Variants in TOM1L2 observed in about 807,000 individuals in gnomAD.
TOM1L2 encodes target of myb1 like 2 membrane trafficking protein.
Under a neutral mutation model 67.9 loss-of-function variants are expected in TOM1L2, and 31 were observed. The ratio of observed to expected loss-of-function variants is 0.46; its 90% confidence interval spans 0.34 to 0.62. The LOEUF is 0.62. Among genes scored for constraint, TOM1L2 ranks in the 20% least tolerant of loss-of-function variants. TOM1L2 has a pLI of 0.01. For synonymous variants in TOM1L2, 256 were observed against 254.0 expected, an observed-to-expected ratio of 1.01 and a Z score of -0.07; for missense variants, 606 against 663.5, an observed-to-expected ratio of 0.91 and a Z score of 0.95.
rs958833213 is a variant in TOM1L2, at chr17:17,845,303, C to T, written c.*2332G>A. ...ATACAGGTCCACCACTCCCTGCTGC[C>T]CCTGGGGCAGCCAGGCCTCTCCAAT... is the stretch of plus-strand genomic sequence containing the variant. On this transcript the variant is annotated 3_prime_UTR_variant, in exon 15 of 15. Transcript: ENST00000379504. The T allele has an allele frequency of 2.6e-5, 4 of 152,248 alleles. No homozygotes were observed. The highest frequency in any genetic ancestry group is 9.6e-5 in the African/African-American group (4 of 41,460). The allele number at this position is 152,248 out of a possible 1,614,324, so 9.4% of individuals were successfully genotyped here.
chr17:17,877,754 G>A (rs1227162867), intron 7 of TOM1L2, among the ~76,000 whole-genome samples: 1 of 152,088 alleles, frequency 6.6e-6, no homozygotes, highest in Non-Finnish European at 1.5e-5. Context: ...AGTGAGGGCT[G>A]GGAGGCTTGG....
chr17:17,861,923 T>C (rs1245722402), intron 11 of TOM1L2: 1 of 173,374 alleles, frequency 5.8e-6, no homozygotes, highest in African/African-American at 2.4e-5. Context: ...TCTTATTTTA[T>C]TAGCAGCAGC....
chr17:17,958,727 C>T (rs1431556219), intron 1 of TOM1L2, among the ~76,000 whole-genome samples: 3 of 152,130 alleles, frequency 2.0e-5, no homozygotes, highest in Admixed American at 1.3e-4. Context: ...CACACCTCAC[C>T]CAAAACCCCT....
intron 6 of TOM1L2, among the ~76,000 whole-genome samples, chr17:17,881,968 T>A (rs937487595): frequency 1.3e-5 from 2 of 152,242 alleles, no homozygotes; most frequent in African/African-American, 4.8e-5. Context: ...AGAGTTTTTT[T>A]TTCCCCCAAG....
intron 1 of TOM1L2, among the ~76,000 whole-genome samples, chr17:17,937,500 G>A (rs2040555480): frequency 6.6e-6 from 1 of 152,172 alleles, no homozygotes; most frequent in African/African-American, 2.4e-5. Context: ...TGTCACATAT[G>A]AACCAGATGA....
intron 1 of TOM1L2, among the ~76,000 whole-genome samples, chr17:17,948,815 CT>C (rs1409792607): frequency 6.6e-6 from 1 of 152,258 alleles, no homozygotes; most frequent in South Asian, 2.1e-4. Flanking sequence ...TTGCTTCCCC[CT>C]ATCAACCCCA....
At chr17:17,946,203 T>C (rs1389956397) in intron 1 of TOM1L2, among the ~76,000 whole-genome samples, 1 of 152,162 alleles carries the variant, frequency 6.6e-6, no homozygotes, top group Non-Finnish European at 1.5e-5. Flanking sequence ...ATAAGAGCTT[T>C]ATTGAGATAT....
At chr17:17,901,490 A>G (rs2038854771) in intron 2 of TOM1L2, among the ~76,000 whole-genome samples, 1 of 152,118 alleles carries the variant, frequency 6.6e-6, no homozygotes, top group South Asian at 2.1e-4. Flanking sequence ...GACTTATAAG[A>G]ACTCTTCCCT....
chr17:17,845,227 T>C lies in TOM1L2; in HGVS notation c.*2408A>G, dbSNP rs2035580411. On this transcript the variant is annotated 3_prime_UTR_variant, in exon 15 of 15. Transcript: ENST00000379504. Reference sequence around the variant, plus strand: ...GGCCACCTGAGGGGTGGCTCCAGGCTAGGAAGGCAGGTGACACTTGTCAGC... The same window carrying C: ...GGCCACCTGAGGGGTGGCTCCAGGCCAGGAAGGCAGGTGACACTTGTCAGC... The C allele has an allele frequency of 6.6e-6, 1 of 152,216 alleles. No homozygotes were observed. Among genetic ancestry groups the C allele is most frequent in the African/African-American group, 2.4e-5 (1 of 41,456 alleles). 9.4% of individuals were successfully genotyped at this position (152,216 alleles called of 1,614,324 possible).
rs57969260 is a variant in TOM1L2 at position 17,915,682 on chromosome 17, A to C, written c.53-8151T>G. The stretch of plus-strand genomic sequence containing the variant: ...AGGGATGCACCACCACAACTAGATA[A>C]TTTTCTTTAAAAAAATTTATGTAGA... On this transcript the variant is annotated intron_variant, in intron 1 of 14. Coordinates refer to ENST00000379504, the MANE Select transcript of TOM1L2 (RefSeq NM_001082968.2). 1.7e-3 allele frequency among the ~76,000 whole-genome samples: 261 copies of C among 151,834 alleles called. 1 individual carries two copies. Among genetic ancestry groups the C allele is most frequent in the African/African-American group, 5.9e-3 (246 of 41,392 alleles).
intron 12 of TOM1L2, among the ~76,000 whole-genome samples, chr17:17,855,850 C>T (rs560481506): frequency 6.6e-6 from 1 of 152,186 alleles, no homozygotes; most frequent in South Asian, 2.1e-4. Flanking sequence ...TTTGATCTCA[C>T]TCAATAGTAC....
chr17:17,870,313 C>T (rs1037572804), intron 7 of TOM1L2, among the ~76,000 whole-genome samples: 1 of 152,146 alleles, frequency 6.6e-6, no homozygotes, highest in Non-Finnish European at 1.5e-5. Context: ...ATGAGCCTTC[C>T]CTGTTCCAGA....
chr17:17,916,401 C>T (rs185528496), intron 1 of TOM1L2, among the ~76,000 whole-genome samples: 165 of 152,204 alleles, frequency 1.1e-3, no homozygotes, highest in African/African-American at 3.7e-3. Flanking sequence ...GTTTTCCCTT[C>T]GCTCTTATGT....
chr17:17,867,385 G>A (rs913801741), intron 8 of TOM1L2, among the ~76,000 whole-genome samples: 10 of 152,122 alleles, frequency 6.6e-5, no homozygotes, highest in Admixed American at 5.9e-4. Context: ...GAAGGCGGAC[G>A]CATGGCCCTG....
intron 12 of TOM1L2, among the ~76,000 whole-genome samples, chr17:17,852,171 A>G (rs951640560): frequency 3.9e-5 from 6 of 152,240 alleles, no homozygotes; most frequent in African/African-American, 1.4e-4. Flanking sequence ...AGACTAAAGT[A>G]AAAATAAGCA....
intron 12 of TOM1L2, among the ~76,000 whole-genome samples, chr17:17,851,500 G>C (rs2035977828): frequency 6.6e-6 from 1 of 152,208 alleles, no homozygotes; most frequent in Admixed American, 6.5e-5. Flanking sequence ...GCGTCCTGGT[G>C]CATTTCTGAG....
At chr17:17,947,054 C>T (rs1157429613) in intron 1 of TOM1L2, among the ~76,000 whole-genome samples, 1 of 151,050 alleles carries the variant, frequency 6.6e-6, no homozygotes, top group Admixed American at 6.6e-5. Flanking sequence ...ACAGAAGTGC[C>T]TCAGGGTTAG....
At chr17:17,850,760 G>A in intron 13 of TOM1L2, 133 bp downstream of exon 13, 3 of 938,320 alleles carry the variant, frequency 3.2e-6, no homozygotes, top group Non-Finnish European at 5.0e-6. Context: ...CAGCTATGGA[G>A]CTTGCCCAGA....
chr17:17,951,089 C>A (rs1295476964), intron 1 of TOM1L2, among the ~76,000 whole-genome samples: 1 of 152,092 alleles, frequency 6.6e-6, no homozygotes, highest in Non-Finnish European at 1.5e-5. Context: ...CAGACCTGTT[C>A]AAGTTTTGGT....
Sources: allele counts gnomAD v4.1 joint callset (sites outside exome capture counted in the v4.1 genomes callset), GRCh38; gene constraint gnomAD v4.1.1; transcripts MANE v1.5; gene names NCBI Gene and HGNC (gene_info 2026-07-23, HGNC 2026-07-21).